Variants in FUT8 observed in about 807,000 individuals in gnomAD.
FUT8 encodes fucosyltransferase 8.
In FUT8, 29 loss-of-function variants were observed where a neutral mutation model predicts 71.3. That is an observed-to-expected ratio of 0.41 (90% confidence interval 0.30 to 0.55). FUT8 has a LOEUF of 0.55. Among genes scored for constraint, FUT8 ranks in the 20% least tolerant of loss-of-function variants. The pLI is 0.34. For missense variants in FUT8, 544 were observed against 702.1 expected (o/e 0.77, Z 2.55); for synonymous variants, 254 against 239.3 (o/e 1.06, Z -0.57).
At position 65,518,145 on chromosome 14, in the gene FUT8, T is replaced by A. The variant is rs370446805; in HGVS notation, c.-227-43192T>A. ...TTCTATGTGTGCAAGCTGGACCTTT[T>A]GAAGTTTAACACTGGAATACTAGCA... is the stretch of plus-strand genomic sequence containing the variant. On this transcript the variant is annotated intron_variant, in intron 2 of 10. Coordinates refer to ENST00000673929, the MANE Select transcript of FUT8 (RefSeq NM_001371533.1). Among the ~76,000 whole-genome samples, 180 of 152,354 alleles carry A rather than the reference T, an allele frequency of 1.2e-3. No individual in the cohort carries two copies. In the South Asian group the frequency reaches 0.015, roughly 13 times the overall value.
chr14:65,498,159 C>T (rs1016356909), intron 2 of FUT8, among the ~76,000 whole-genome samples: 1 of 152,148 alleles, frequency 6.6e-6, no homozygotes, highest in African/African-American at 2.4e-5. Context: ...TGAGTTTTAT[C>T]TTTGCCTTCC....
intron 6 of FUT8, among the ~76,000 whole-genome samples, chr14:65,641,267 T>C (rs1890815712): frequency 6.6e-6 from 1 of 152,230 alleles, no homozygotes; most frequent in South Asian, 2.1e-4. Context: ...AATGGAGACC[T>C]ACAGTACATA....
intron 7 of FUT8, among the ~76,000 whole-genome samples, chr14:65,685,229 G>A (rs550485102): frequency 2.6e-5 from 4 of 152,128 alleles, no homozygotes; most frequent in African/African-American, 4.8e-5. Context: ...GCAAAGTACC[G>A]CTCCATTTCC....
At chr14:65,633,593 G>A (rs1381410779) in intron 6 of FUT8, among the ~76,000 whole-genome samples, 13 of 149,284 alleles carry the variant, frequency 8.7e-5, no homozygotes, top group Non-Finnish European at 1.3e-4. Flanking sequence ...CTGCCCGGCC[G>A]CCCATCGTCT....
chr14:65,498,924 C>T (rs1594702741), intron 2 of FUT8, among the ~76,000 whole-genome samples: 1 of 152,120 alleles, frequency 6.6e-6, no homozygotes, highest in East Asian at 1.9e-4. Context: ...TAATTATAGC[C>T]TCATGTACAT....
intron 7 of FUT8, among the ~76,000 whole-genome samples, chr14:65,671,545 T>C (rs971806122): frequency 6.6e-6 from 1 of 152,174 alleles, no homozygotes; most frequent in Non-Finnish European, 1.5e-5. Context: ...ACCCCCAGTC[T>C]AAGTCCTTAT....
intron 2 of FUT8, among the ~76,000 whole-genome samples, chr14:65,498,454 C>T (rs1270508972): frequency 6.6e-6 from 1 of 152,064 alleles, no homozygotes; most frequent in Non-Finnish European, 1.5e-5. Flanking sequence ...TTATCAGAAA[C>T]TAGGTCACCA....
chr14:65,446,284 C>G (rs1285565671), intron 1 of FUT8, among the ~76,000 whole-genome samples: 1 of 152,158 alleles, frequency 6.6e-6, no homozygotes, highest in Non-Finnish European at 1.5e-5. Flanking sequence ...ACACTTTCCT[C>G]TGTTCTCTGT....
rs144134839 is a variant in FUT8 at position 65,435,761 on chromosome 14, C to G, written c.-325-19860C>G. Among the ~76,000 whole-genome samples, 5 of 150,020 alleles carry G rather than the reference C, an allele frequency of 3.3e-5. No individual in the cohort carries two copies. The East Asian group carries it at 9.8e-4, about 29-fold the overall frequency. ...GAGTTCCAGTTGCTCTACATCCTTA[C>G]TAGCACTTGGTAGTATCTGTTCCTT... On this transcript the variant is annotated intron_variant, in intron 1 of 10. Coordinates refer to ENST00000673929, the MANE Select transcript of FUT8 (RefSeq NM_001371533.1).
At chr14:65,620,665 T>A (rs1889560842) in intron 5 of FUT8, among the ~76,000 whole-genome samples, 1 of 152,160 alleles carries the variant, frequency 6.6e-6, no homozygotes, top group Admixed American at 6.5e-5. Context: ...TTATTTCATA[T>A]ACACAAAAAC....
At chr14:65,397,869 TA>T in the FUT8 span, among the ~76,000 whole-genome samples, 3 of 152,270 alleles carry the variant, frequency 2.0e-5, no homozygotes, top group African/African-American at 7.2e-5. This position sits in a 1 kb window ranked among gnomAD's most constrained non-coding sequence, Gnocchi z 4.2. Flanking sequence ...TGACCAGAAA[TA>T]GGCCATAGGA....
At chr14:65,605,664 T>C (rs539043949) in intron 3 of FUT8, among the ~76,000 whole-genome samples, 6 of 152,104 alleles carry the variant, frequency 3.9e-5, no homozygotes, top group African/African-American at 1.4e-4. Flanking sequence ...ATAAAATAAA[T>C]TTCTGTTGTT....
chr14:65,678,676 AACGCTTAGGAATCTGAAC>A (rs1892884325), intron 7 of FUT8, among the ~76,000 whole-genome samples: 1 of 152,210 alleles, frequency 6.6e-6, no homozygotes, highest in Admixed American at 6.5e-5. Flanking sequence ...TGTGGGAGCT[AACGCTTAGGAATCTGAAC>A]ATACCCCAGG....
At chr14:65,452,967 C>T (rs1029411686) in intron 1 of FUT8, among the ~76,000 whole-genome samples, 13 of 152,092 alleles carry the variant, frequency 8.5e-5, no homozygotes, top group African/African-American at 2.9e-4. Context: ...ATTCTATCAA[C>T]CCTGTCATTT....
chr14:65,544,542 T>G (rs566747503), intron 2 of FUT8, among the ~76,000 whole-genome samples: 1 of 152,242 alleles, frequency 6.6e-6, no homozygotes, highest in South Asian at 2.1e-4. Flanking sequence ...ATTAATTTAT[T>G]TAGGGCTGAA....
chr14:65,412,454 C>G (rs529400572), upstream of FUT8: 70 of 414,026 alleles, frequency 1.7e-4, no homozygotes, highest in African/African-American at 1.4e-3. Context: ...GCTCGCGCCC[C>G]GCTCAGCCTC....
chr14:65,707,285 A>G (rs1894600874), intron 7 of FUT8, among the ~76,000 whole-genome samples: 1 of 151,970 alleles, frequency 6.6e-6, no homozygotes. Flanking sequence ...CTATCTGTTG[A>G]CCGTTAGTAT....
rs1319973496 is a variant in FUT8, at chr14:65,742,648, A to G, written c.*238A>G. 2.3e-6 allele frequency: 1 copy of G among 434,246 alleles called. No homozygotes were observed. The highest frequency in any genetic ancestry group is 4.1e-6 in the Non-Finnish European group (1 of 241,982). The allele number at this position is 434,246 out of a possible 1,614,324, so 26.9% of individuals were successfully genotyped here. A position where few individuals can be genotyped will look rare whatever the true frequency, so the allele number is the denominator to read the frequency against. On this transcript the variant is annotated 3_prime_UTR_variant, in exon 11 of 11. Coordinates refer to ENST00000673929, the MANE Select transcript of FUT8 (RefSeq NM_001371533.1). ...ACAGTACAATAATGTACTCACATAT[A>G]ACATGCAAACAGGTTGTTTTCTACT...
intron 1 of FUT8, among the ~76,000 whole-genome samples, chr14:65,423,237 G>A (rs1424938212): frequency 6.7e-6 from 1 of 148,950 alleles, no homozygotes; most frequent in Admixed American, 6.7e-5. Context: ...GCCCACCTCG[G>A]CCTCCCAAAG....
Sources: allele counts gnomAD v4.1 joint callset (sites outside exome capture counted in the v4.1 genomes callset), GRCh38; gene constraint gnomAD v4.1.1; non-coding constraint Gnocchi (gnomAD v3.1); transcripts MANE v1.5; gene names NCBI Gene and HGNC (gene_info 2026-07-23, HGNC 2026-07-21).